OSBPL1A: variants seen among roughly 807,000 people sequenced by gnomAD.
OSBPL1A encodes oxysterol-binding protein-related protein 1.
Under a neutral mutation model 137.1 loss-of-function variants are expected in OSBPL1A, and 80 were observed. The ratio of observed to expected loss-of-function variants is 0.58; its 90% confidence interval spans 0.49 to 0.70. The LOEUF (loss-of-function observed/expected upper bound fraction) is 0.70. Among genes scored for constraint, OSBPL1A ranks in the 30% least tolerant of loss-of-function variants. The probability of loss-of-function intolerance (pLI) is 0.00; values close to 1 mark genes in which losing one functional copy is unlikely to be tolerated. For synonymous variants in OSBPL1A, 365 were observed against 389.7 expected, an observed-to-expected ratio of 0.94 and a Z score of 0.75; for missense variants, 970 against 1,129.4, an observed-to-expected ratio of 0.86 and a Z score of 2.02.
chr18:24,385,341 T>C (rs1224149719), intron 1 of OSBPL1A, among the ~76,000 whole-genome samples: 1 of 152,206 alleles, frequency 6.6e-6, no homozygotes, highest in Non-Finnish European at 1.5e-5. Context: ...CTGTGAGCTA[T>C]AATTGCACCA....
chr18:24,223,998 A>G (rs931379430), intron 17 of OSBPL1A, among the ~76,000 whole-genome samples: 3 of 152,192 alleles, frequency 2.0e-5, no homozygotes, highest in African/African-American at 7.2e-5. Flanking sequence ...GTAACTACAG[A>G]GGGAATCGGG....
intron 14 of OSBPL1A, among the ~76,000 whole-genome samples, chr18:24,286,069 A>G (rs1049383317): frequency 6.6e-6 from 1 of 152,202 alleles, no homozygotes; most frequent in Non-Finnish European, 1.5e-5. Flanking sequence ...AGGCAAGAGA[A>G]TCACTTGAAC....
chr18:24,354,427 A>G (rs982227560), intron 4 of OSBPL1A, among the ~76,000 whole-genome samples: 1 of 151,442 alleles, frequency 6.6e-6, no homozygotes, highest in Admixed American at 6.6e-5. Context: ...AACACGGGGG[A>G]ACACCTTCCA....
At position 24,198,866 on chromosome 18, in the gene OSBPL1A, T is replaced by G. The variant is rs142162963; in HGVS notation, c.1602-2666A>C. 4.0e-3 allele frequency among the ~76,000 whole-genome samples: 605 copies of G among 150,660 alleles called. 4 individuals are homozygous for G. Among genetic ancestry groups the G allele is most frequent in the African/African-American group, 0.013 (540 of 41,036 alleles). On this transcript the variant is annotated intron_variant, in intron 17 of 27. Coordinates refer to ENST00000319481, the MANE Select transcript of OSBPL1A (RefSeq NM_080597.4). ...TGTTTTGGTGTTTTTTTTTGTTGTT[T>G]TTTTTTTTTGAGAGAGAGTCACACT...
intron 15 of OSBPL1A, 35 bp downstream of exon 15, chr18:24,280,807 C>G: frequency 6.9e-7 from 1 of 1,450,258 alleles, no homozygotes; most frequent in South Asian, 1.4e-5. Context: ...AACATCCAAA[C>G]AATTATTTTA....
At chr18:24,236,208 T>C (rs1489444361) in intron 16 of OSBPL1A, among the ~76,000 whole-genome samples, 4 of 152,296 alleles carry the variant, frequency 2.6e-5, no homozygotes, top group Non-Finnish European at 1.5e-5. Flanking sequence ...TACAGGAATT[T>C]CAAGTTAGTA....
chr18:24,291,966 T>C (rs1456209078), intron 14 of OSBPL1A, among the ~76,000 whole-genome samples: 1 of 152,092 alleles, frequency 6.6e-6, no homozygotes, highest in Non-Finnish European at 1.5e-5. Context: ...GCACCTGTAA[T>C]CCCAGCTACT....
At chr18:24,274,955 AG>A (rs2089812762) in intron 15 of OSBPL1A, among the ~76,000 whole-genome samples, 1 of 152,002 alleles carries the variant, frequency 6.6e-6, no homozygotes, top group South Asian at 2.1e-4. Flanking sequence ...GCTGCTACAA[AG>A]GAAGGAGAAG....
At position 24,182,610 on chromosome 18, in the gene OSBPL1A, A is replaced by G. The variant is rs148076219; in HGVS notation, c.1678-1331T>C. On this transcript the variant is annotated intron_variant, in intron 18 of 27. Coordinates refer to ENST00000319481, the MANE Select transcript of OSBPL1A (RefSeq NM_080597.4). ...CTGAAACTGGAGCGCAATCAAAGAA[A>G]ATAAGCTCATTCATTACCATAAAAT... 2.0e-5 allele frequency among the ~76,000 whole-genome samples: 3 copies of G among 152,358 alleles called. No homozygotes were observed. In the East Asian group the frequency reaches 5.8e-4, roughly 29 times the overall value.
chr18:24,298,376 T>G (rs919361816), intron 14 of OSBPL1A, among the ~76,000 whole-genome samples: 1 of 152,226 alleles, frequency 6.6e-6, no homozygotes, highest in Non-Finnish European at 1.5e-5. Flanking sequence ...GAGTTCTTTC[T>G]TGCTCTGTCA....
intron 15 of OSBPL1A, among the ~76,000 whole-genome samples, chr18:24,252,264 T>C (rs1185038845): frequency 1.3e-5 from 2 of 152,104 alleles, no homozygotes; most frequent in African/African-American, 2.4e-5. Flanking sequence ...GACGACCTCA[T>C]GGCATCTAAG....
intron 21 of OSBPL1A, among the ~76,000 whole-genome samples, chr18:24,175,104 G>GTGTGTATATATATATA (rs1491534405): frequency 2.1e-4 from 9 of 42,716 alleles, no homozygotes; most frequent in African/African-American, 2.3e-4. Flanking sequence ...TTTGCCATGT[G>GTGTGTATATATATATA]TATGTATATA....
At chr18:24,260,058 A>G (rs1234311333) in intron 15 of OSBPL1A, among the ~76,000 whole-genome samples, 6 of 152,208 alleles carry the variant, frequency 3.9e-5, no homozygotes, top group Non-Finnish European at 8.8e-5. Flanking sequence ...AAAGACAGCC[A>G]GTAAGCACAT....
chr18:24,342,786 A>G (rs2091293044), intron 4 of OSBPL1A, among the ~76,000 whole-genome samples: 2 of 152,184 alleles, frequency 1.3e-5, no homozygotes, highest in South Asian at 4.1e-4. Context: ...ACATGATTTT[A>G]CTTACATGCC....
intron 17 of OSBPL1A, among the ~76,000 whole-genome samples, chr18:24,223,058 G>C (rs1242969703): frequency 6.6e-6 from 1 of 151,826 alleles, no homozygotes; most frequent in East Asian, 1.9e-4. Flanking sequence ...TAAATTTTTT[G>C]GTCACTTCAG....
chr18:24,287,907 G>A (rs2090097518), intron 14 of OSBPL1A, among the ~76,000 whole-genome samples: 1 of 152,240 alleles, frequency 6.6e-6, no homozygotes, highest in African/African-American at 2.4e-5. Flanking sequence ...CTTGCTGCCT[G>A]AAAGAAAGCT....
rs570870927 is a variant in OSBPL1A, at chr18:24,273,096, G to A, written c.1281+7746C>T. 2.8e-3 allele frequency among the ~76,000 whole-genome samples: 426 copies of A among 152,130 alleles called. 1 individual carries two copies. Among genetic ancestry groups the A allele is most frequent in the Middle Eastern group, 6.8e-3 (2 of 294 alleles). ...AATTTTTTGTATTTTTAGTAGAGAC[G>A]GGGGTTTTGCTATGTTGGTCATGCT... On this transcript the variant is annotated intron_variant, in intron 15 of 27. Coordinates refer to ENST00000319481, the MANE Select transcript of OSBPL1A (RefSeq NM_080597.4).
intron 17 of OSBPL1A, among the ~76,000 whole-genome samples, chr18:24,214,525 G>A (rs772144748): frequency 2.6e-5 from 4 of 152,172 alleles, no homozygotes; most frequent in Admixed American, 6.5e-5. Flanking sequence ...GCTCTCTATC[G>A]AGAAAGGTCA....
At chr18:24,299,348 A>G (rs888774734) in intron 14 of OSBPL1A, among the ~76,000 whole-genome samples, 2 of 152,050 alleles carry the variant, frequency 1.3e-5, no homozygotes, top group African/African-American at 2.4e-5. Context: ...TATGCTTCCA[A>G]CCAGTTCTAT....
Sources: allele counts gnomAD v4.1 joint callset (sites outside exome capture counted in the v4.1 genomes callset), GRCh38; gene constraint gnomAD v4.1.1; transcripts MANE v1.5; gene names NCBI Gene and HGNC (gene_info 2026-07-23, HGNC 2026-07-21).